PPM1L: variants seen among roughly 807,000 people sequenced by gnomAD.
The protein encoded by PPM1L is protein phosphatase, Mg2+/Mn2+ dependent 1L.
PPM1L carries 13 observed loss-of-function variants against 31.4 expected under a neutral mutation model. The observed-to-expected ratio is 0.41, with a 90% CI of 0.27 to 0.66. PPM1L has a LOEUF of 0.66. PPM1L is among the 30% of genes least tolerant of loss of function. The pLI, the probability that PPM1L is intolerant of heterozygous loss-of-function variation, is 0.29. For synonymous variants in PPM1L, 184 were observed against 175.4 expected, an observed-to-expected ratio of 1.05 and a Z score of -0.39; for missense variants, 326 against 453.7, an observed-to-expected ratio of 0.72 and a Z score of 2.56.
intron 1 of PPM1L, among the ~76,000 whole-genome samples, chr3:160,814,832 A>G (rs907588199): frequency 6.6e-6 from 1 of 152,030 alleles, no homozygotes; most frequent in Non-Finnish European, 1.5e-5. Context: ...ATGAAAAGGA[A>G]TGAAATAATG....
At chr3:160,842,818 C>T (rs924272317) in intron 1 of PPM1L, among the ~76,000 whole-genome samples, 4 of 152,218 alleles carry the variant, frequency 2.6e-5, no homozygotes, top group South Asian at 2.1e-4. Flanking sequence ...ACCTGGCCTG[C>T]GGAGGATTGT....
intron 2 of PPM1L, among the ~76,000 whole-genome samples, chr3:161,031,239 G>A (rs1458220076): frequency 3.3e-5 from 5 of 152,210 alleles, no homozygotes; most frequent in African/African-American, 7.2e-5. Context: ...TACCACAGGC[G>A]CAAGCTGGAA....
intron 1 of PPM1L, among the ~76,000 whole-genome samples, chr3:160,769,995 C>A (rs143466641): frequency 6.6e-6 from 1 of 152,054 alleles, no homozygotes; most frequent in African/African-American, 2.4e-5. Flanking sequence ...GGATGAAGTA[C>A]TTATCCTTCT....
rs60731351 is a variant in PPM1L at position 160,903,164 on chromosome 3, A to AGTGTGTGTGTGTGTGTGTGT, written c.400-58562_400-58543dup. Reference sequence around the variant, plus strand: ...GGTTGTCCAAAGAAATAGAAGCAATAGTGTGTGTGTGTGTGTGTGTGTGTG... The same window carrying AGTGTGTGTGTGTGTGTGTGT: ...GGTTGTCCAAAGAAATAGAAGCAATAGTGTGTGTGTGTGTGTGTGTGTGTGTGTGTGTGTGTGTGTGTGTG... On this transcript the variant is annotated intron_variant, in intron 1 of 3. Coordinates refer to ENST00000498165, the MANE Select transcript of PPM1L (RefSeq NM_139245.4). 5.3e-4 allele frequency among the ~76,000 whole-genome samples: 56 copies of AGTGTGTGTGTGTGTGTGTGT among 106,576 alleles called. 1 individual carries two copies. Among genetic ancestry groups the AGTGTGTGTGTGTGTGTGTGT allele is most frequent in the Middle Eastern group, 4.4e-3 (1 of 228 alleles). 69.9% of individuals were successfully genotyped at this position (106,576 alleles called of 152,430 possible).
chr3:160,879,141 C>T (rs1306294030), intron 1 of PPM1L, among the ~76,000 whole-genome samples: 1 of 152,130 alleles, frequency 6.6e-6, no homozygotes, highest in East Asian at 1.9e-4. Flanking sequence ...TTATATCCTG[C>T]CACAGGGGTA....
intron 1 of PPM1L, among the ~76,000 whole-genome samples, chr3:160,764,768 T>G (rs1232060194): frequency 6.6e-6 from 1 of 152,136 alleles, no homozygotes; most frequent in Non-Finnish European, 1.5e-5. Context: ...ACGCCTGGCC[T>G]ATTTTAATTC....
In PPM1L at chr3:161,077,508, G is replaced by A. The variant is rs1647440288; in HGVS notation, c.*8351G>A. The stretch of plus-strand genomic sequence containing the variant: ...GATTATAGAAAAGGAGAAAAGGGAG[G>A]AGCAAGAACATCTCTCCATGGCCTA... On this transcript the variant is annotated 3_prime_UTR_variant, in exon 4 of 4. Coordinates refer to ENST00000498165, the MANE Select transcript of PPM1L (RefSeq NM_139245.4). 1 of 152,240 alleles carries A rather than the reference G, an allele frequency of 6.6e-6. No homozygotes were observed. The highest frequency in any genetic ancestry group is 2.4e-5 in the African/African-American group (1 of 41,420). 9.4% of individuals were successfully genotyped at this position (152,240 alleles called of 1,614,324 possible).
At chr3:160,982,245 T>C (rs1476432739) in intron 2 of PPM1L, among the ~76,000 whole-genome samples, 2 of 152,224 alleles carry the variant, frequency 1.3e-5, no homozygotes, top group Non-Finnish European at 2.9e-5. Context: ...TTAAATATTT[T>C]GACTATCACT....
At chr3:160,815,117 T>C (rs970979580) in intron 1 of PPM1L, among the ~76,000 whole-genome samples, 1 of 151,986 alleles carries the variant, frequency 6.6e-6, no homozygotes, top group East Asian at 1.9e-4. Flanking sequence ...AAGGAACTTA[T>C]CTATATAATG....
intron 1 of PPM1L, among the ~76,000 whole-genome samples, chr3:160,811,781 T>C (rs1712814121): frequency 6.6e-6 from 1 of 152,176 alleles, no homozygotes; most frequent in Non-Finnish European, 1.5e-5. Context: ...CAGAGTAGAC[T>C]CAGTGCCTTC....
chr3:161,001,540 G>A (rs1354500388), intron 2 of PPM1L, among the ~76,000 whole-genome samples: 2 of 152,028 alleles, frequency 1.3e-5, no homozygotes, highest in East Asian at 3.8e-4. Flanking sequence ...CAAAGTGCTG[G>A]AATTACACAG....
chr3:160,967,551 C>T (rs1377771065), intron 2 of PPM1L, among the ~76,000 whole-genome samples: 5 of 136,824 alleles, frequency 3.7e-5, no homozygotes, highest in Admixed American at 7.2e-5. Context: ...ATTCCATTCA[C>T]GAGGGGTTCA....
intron 1 of PPM1L, among the ~76,000 whole-genome samples, chr3:160,894,275 A>G (rs530745281): frequency 8.5e-5 from 13 of 152,302 alleles, no homozygotes; most frequent in African/African-American, 2.9e-4. Context: ...TTCCATTACA[A>G]CCACTTAATA....
At chr3:160,766,847 A>T (rs1715113764) in intron 1 of PPM1L, among the ~76,000 whole-genome samples, 2 of 151,490 alleles carry the variant, frequency 1.3e-5, no homozygotes, top group Admixed American at 6.6e-5. Flanking sequence ...GAGGGCCTTG[A>T]TACTCGAGTC....
At chr3:161,048,702 T>C (rs1719162987) in intron 2 of PPM1L, among the ~76,000 whole-genome samples, 1 of 152,086 alleles carries the variant, frequency 6.6e-6, no homozygotes, top group Non-Finnish European at 1.5e-5. Flanking sequence ...AATGATAGAC[T>C]GTATTAAGCA....
At chr3:160,778,604 C>T (rs1422194568) in intron 1 of PPM1L, among the ~76,000 whole-genome samples, 1 of 152,154 alleles carries the variant, frequency 6.6e-6, no homozygotes, top group Non-Finnish European at 1.5e-5. Context: ...GATAGAATAA[C>T]TTGAATTATT....
intron 1 of PPM1L, among the ~76,000 whole-genome samples, chr3:160,872,026 A>G (rs1712327058): frequency 6.6e-6 from 1 of 152,186 alleles, no homozygotes; most frequent in African/African-American, 2.4e-5. Flanking sequence ...CATTTTACCC[A>G]GAACAATCTT....
chr3:160,883,880 A>AC (rs1199792742), intron 1 of PPM1L, among the ~76,000 whole-genome samples: 1 of 86,778 alleles, frequency 1.2e-5, no homozygotes, highest in Non-Finnish European at 2.9e-5. Context: ...CCTTGTCTCT[A>AC]CAAAAAAAAA....
intron 1 of PPM1L, among the ~76,000 whole-genome samples, chr3:160,768,007 A>C (rs1017255202): frequency 2.6e-5 from 4 of 152,300 alleles, no homozygotes; most frequent in Middle Eastern, 3.4e-3. Context: ...ACATGGTGGG[A>C]TCTTTGATCG....
Sources: gnomAD v4.1 joint callset for allele counts (sites outside exome capture counted in the v4.1 genomes callset) on GRCh38, gnomAD v4.1.1 for gene constraint, MANE v1.5 for transcripts, NCBI Gene and HGNC (gene_info 2026-07-23, HGNC 2026-07-21) for gene names.